The following MNAT1 variants were observed in gnomAD, a reference collection of about 807,000 sequenced individuals.
The protein encoded by MNAT1 is CDK-activating kinase assembly factor MAT1.
MNAT1 carries 43 observed loss-of-function variants against 42.0 expected under a neutral mutation model. The ratio of observed to expected loss-of-function variants is 1.02; its 90% CI spans 0.80 to 1.32. MNAT1 has a LOEUF of 1.32. Ranked by LOEUF, MNAT1 falls within the 40% of genes most tolerant of loss-of-function variation. MNAT1 has a pLI of 0.00. For synonymous variants in MNAT1, 118 were observed against 120.0 expected (o/e 0.98, Z 0.11); for missense variants, 306 against 350.4 (o/e 0.87, Z 1.01).
intron 5 of MNAT1, among the ~76,000 whole-genome samples, chr14:60,818,177 G>A (rs1040120336): frequency 3.9e-5 from 6 of 151,920 alleles, no homozygotes; most frequent in Non-Finnish European, 7.4e-5. Context: ...ATGTTTAACT[G>A]TCATTTTGTT....
intron 7 of MNAT1, among the ~76,000 whole-genome samples, chr14:60,957,750 A>C (rs1032982369): frequency 6.6e-6 from 1 of 152,054 alleles, no homozygotes; most frequent in African/African-American, 2.4e-5. Flanking sequence ...TTTATATTAG[A>C]GTTATAAGTA....
intron 6 of MNAT1, among the ~76,000 whole-genome samples, chr14:60,849,013 T>C (rs2033752063): frequency 6.6e-6 from 1 of 152,154 alleles, no homozygotes; most frequent in Non-Finnish European, 1.5e-5. Flanking sequence ...TTAGAAGTGT[T>C]ACTGTGAGCA....
chr14:60,906,762 A>G (rs1006045699), intron 7 of MNAT1, among the ~76,000 whole-genome samples: 3 of 152,166 alleles, frequency 2.0e-5, no homozygotes, highest in African/African-American at 4.8e-5. Flanking sequence ...AGTTCTAAAC[A>G]ATGTTGGTTT....
chr14:60,814,544 T>C (rs898124786), intron 5 of MNAT1, among the ~76,000 whole-genome samples: 2 of 152,096 alleles, frequency 1.3e-5, no homozygotes, highest in African/African-American at 4.8e-5. Context: ...GATAATGCTA[T>C]TATCCTATGA....
At chr14:60,853,721 C>T (rs1361428260) in intron 6 of MNAT1, among the ~76,000 whole-genome samples, 12 of 152,172 alleles carry the variant, frequency 7.9e-5, no homozygotes, top group South Asian at 2.1e-4. Context: ...ATACATTCCA[C>T]CAATACCTAG....
chr14:60,934,741 G>C (rs2035957283), intron 7 of MNAT1, among the ~76,000 whole-genome samples: 1 of 152,108 alleles, frequency 6.6e-6, no homozygotes, highest in Non-Finnish European at 1.5e-5. Context: ...GACTAATACA[G>C]ACCATATGTC....
At chr14:60,738,645 C>T (rs562826512) in intron 1 of MNAT1, among the ~76,000 whole-genome samples, 32 of 152,208 alleles carry the variant, frequency 2.1e-4, no homozygotes, top group African/African-American at 7.5e-4. Flanking sequence ...AAGCAGTTCT[C>T]CTGTCTCAGC....
chr14:60,784,487 T>G (rs2031578393), intron 1 of MNAT1, among the ~76,000 whole-genome samples: 1 of 151,730 alleles, frequency 6.6e-6, no homozygotes, highest in African/African-American at 2.4e-5. Context: ...CTGAAAATAT[T>G]TTTTCCCCCG....
intron 7 of MNAT1, among the ~76,000 whole-genome samples, chr14:60,959,695 T>C (rs1471609618): frequency 6.6e-6 from 1 of 152,218 alleles, no homozygotes; most frequent in Middle Eastern, 3.2e-3. Context: ...TTAAGTAGAT[T>C]CCTGAGCTCT....
chr14:60,941,406 A>G (rs1272983748), intron 7 of MNAT1, among the ~76,000 whole-genome samples: 1 of 152,178 alleles, frequency 6.6e-6, no homozygotes, highest in Non-Finnish European at 1.5e-5. Flanking sequence ...TTGTTAAGAA[A>G]TAGTTTCTGA....
At position 60,911,752 on chromosome 14, in the gene MNAT1, G is replaced by A. The variant is rs368253455; in HGVS notation, c.809+31917G>A. On this transcript the variant is annotated intron_variant, in intron 7 of 7. Transcript: ENST00000261245. ...TGTTTTACTTCCAACTATGTGGTCAGTTTTGGAATAGGTGTGGTGTGGTGC... is the reference window on the plus strand; with the variant it reads ...TGTTTTACTTCCAACTATGTGGTCAATTTTGGAATAGGTGTGGTGTGGTGC... 8.5e-5 allele frequency among the ~76,000 whole-genome samples: 13 copies of A among 152,224 alleles called. No homozygotes were observed. In the South Asian group the frequency reaches 1.2e-3, roughly 15 times the overall value.
chr14:60,842,275 C>CT (rs1442684353), intron 6 of MNAT1, among the ~76,000 whole-genome samples: 1 of 152,174 alleles, frequency 6.6e-6, no homozygotes, highest in Non-Finnish European at 1.5e-5. Flanking sequence ...TTAACTCCCA[C>CT]TTTAGAGTTT....
At chr14:60,938,193 C>G (rs550123325) in intron 7 of MNAT1, among the ~76,000 whole-genome samples, 1 of 152,324 alleles carries the variant, frequency 6.6e-6, no homozygotes, top group South Asian at 2.1e-4. Flanking sequence ...TTGGCTTCCT[C>G]TTTTCCTAAT....
chr14:60,879,819 A>T lies in MNAT1; in HGVS notation c.793A>T (p.Met265Leu). The change falls in exon 7 of 8, where the codon ATG becomes TTG. Residue 265 changes from methionine to leucine, a missense_variant. Transcript: ENST00000261245. ...TYGPHVPELE[M>L]LGRLGYLNHV... Reference sequence around the variant, plus strand: ...TGGACCACATGTTCCTGAGCTTGAGATGCTAGGAAGACTTGGGTATGTGTC... The same window carrying T: ...TGGACCACATGTTCCTGAGCTTGAGTTGCTAGGAAGACTTGGGTATGTGTC... 6.2e-7 allele frequency: 1 copy of T among 1,612,902 alleles called. No individual in the cohort carries two copies. The highest frequency in any genetic ancestry group is 1.1e-5 in the South Asian group (1 of 90,942).
At chr14:60,905,266 G>A (rs765292148) in intron 7 of MNAT1, among the ~76,000 whole-genome samples, 3 of 151,718 alleles carry the variant, frequency 2.0e-5, no homozygotes, top group Non-Finnish European at 4.4e-5. Context: ...GCTGTTAGAT[G>A]TTTCTATGAA....
chr14:60,903,123 C>T (rs1042536766), intron 7 of MNAT1, among the ~76,000 whole-genome samples: 6 of 55,974 alleles, frequency 1.1e-4, no homozygotes, highest in South Asian at 1.2e-3. Flanking sequence ...GTATTATATT[C>T]GCTGTTTAAG....
At chr14:60,850,208 A>G (rs1292720051) in intron 6 of MNAT1, among the ~76,000 whole-genome samples, 1 of 152,138 alleles carries the variant, frequency 6.6e-6, no homozygotes, top group Non-Finnish European at 1.5e-5. Context: ...TTTCTGTATT[A>G]TTGATTTTCA....
At chr14:60,804,515 T>A (rs1336430464) in intron 3 of MNAT1, among the ~76,000 whole-genome samples, 1 of 152,112 alleles carries the variant, frequency 6.6e-6, no homozygotes, top group African/African-American at 2.4e-5. Flanking sequence ...TTTTCTTTTT[T>A]AAATTTTTAT....
intron 7 of MNAT1, among the ~76,000 whole-genome samples, chr14:60,888,522 C>G (rs975475040): frequency 2.0e-5 from 3 of 151,892 alleles, no homozygotes; most frequent in Non-Finnish European, 4.4e-5. Flanking sequence ...GAAGCATTCC[C>G]TTTGAAAACT....
Sources: allele counts gnomAD v4.1 joint callset (sites outside exome capture counted in the v4.1 genomes callset), GRCh38; gene constraint gnomAD v4.1.1; transcripts MANE v1.5; gene names NCBI Gene and HGNC (gene_info 2026-07-23, HGNC 2026-07-21).